The following LRRIQ3 variants were observed in gnomAD, a reference collection of about 807,000 sequenced individuals.
LRRIQ3 encodes leucine-rich repeat and IQ domain-containing protein 3.
In LRRIQ3, 75 loss-of-function variants were observed where a neutral mutation model predicts 59.3. The observed-to-expected ratio is 1.26, with a 90% CI of 1.05 to 1.53. LRRIQ3 has a LOEUF of 1.53. LRRIQ3 is among the 40% of genes most tolerant of loss of function. The probability of loss-of-function intolerance (pLI) is 0.00; values close to 1 mark genes in which losing one functional copy is unlikely to be tolerated. For synonymous variants in LRRIQ3, 250 were observed against 231.3 expected (o/e 1.08, Z -0.73); for missense variants, 831 against 710.0 (o/e 1.17, Z -1.94).
chr1:74,159,624 C>A (rs1278710029), intron 3 of LRRIQ3, among the ~76,000 whole-genome samples: 1 of 152,026 alleles, frequency 6.6e-6, no homozygotes, highest in East Asian at 1.9e-4. Context: ...TCTTTTTCAT[C>A]TTTCTTGGCT....
At position 74,068,718 on chromosome 1, in the gene LRRIQ3, G is replaced by T. The variant is rs567382835; in HGVS notation, c.997+5943C>A. Among the ~76,000 whole-genome samples the T allele has an allele frequency of 1.9e-3, 295 of 151,988 alleles. 1 individual carries two copies. Among genetic ancestry groups the T allele is most frequent in the African/African-American group, 6.7e-3 (278 of 41,494 alleles). On this transcript the variant is annotated intron_variant, in intron 6 of 7. Transcript: ENST00000354431. ...TAACATCTGGTGGCAAAGATTTCTA[G>T]TCTTATATGCATGAGTATGCCTTAA...
chr1:74,044,643 CA>C (rs1437342187), intron 6 of LRRIQ3, among the ~76,000 whole-genome samples: 3 of 151,906 alleles, frequency 2.0e-5, no homozygotes, highest in Admixed American at 2.0e-4. Flanking sequence ...GACAGAGTCA[CA>C]AAAAACCCTT....
chr1:74,166,942 A>T (rs1401946345), intron 3 of LRRIQ3, among the ~76,000 whole-genome samples: 1 of 151,850 alleles, frequency 6.6e-6, no homozygotes, highest in East Asian at 1.9e-4. Flanking sequence ...ATAAAAAAAT[A>T]ATAATAATAG....
At chr1:74,079,647 CT>C (rs1438636649) in intron 5 of LRRIQ3, among the ~76,000 whole-genome samples, 4 of 151,498 alleles carry the variant, frequency 2.6e-5, no homozygotes, top group Admixed American at 6.6e-5. Context: ...CTTTTCTTTT[CT>C]TTTTTACTCA....
intron 5 of LRRIQ3, among the ~76,000 whole-genome samples, chr1:74,103,064 T>TAG (rs964220160): frequency 3.3e-5 from 5 of 151,976 alleles, no homozygotes; most frequent in African/African-American, 9.7e-5. Flanking sequence ...ATCTTATACT[T>TAG]CTACCTAAGT....
intron 4 of LRRIQ3, among the ~76,000 whole-genome samples, chr1:74,155,076 T>C (rs989428105): frequency 1.3e-5 from 2 of 152,218 alleles, no homozygotes; most frequent in African/African-American, 4.8e-5. Flanking sequence ...CAAATGTCTG[T>C]TTTCTTATTC....
intron 7 of LRRIQ3, among the ~76,000 whole-genome samples, chr1:74,029,081 C>T (rs1484719913): frequency 1.3e-5 from 2 of 152,088 alleles, no homozygotes; most frequent in East Asian, 1.9e-4. Flanking sequence ...TGAGACTTTG[C>T]TGAAGTTGCT....
chr1:74,107,907 A>G (rs1646636596), intron 5 of LRRIQ3, among the ~76,000 whole-genome samples: 1 of 151,720 alleles, frequency 6.6e-6, no homozygotes, highest in Non-Finnish European at 1.5e-5. Context: ...TAGCAGAATT[A>G]TTCAAAATAC....
At chr1:74,167,813 AACACAC>A (rs201436183) in intron 3 of LRRIQ3, among the ~76,000 whole-genome samples, 1 of 150,726 alleles carries the variant, frequency 6.6e-6, no homozygotes, top group African/African-American at 2.4e-5. Flanking sequence ...ACATAAAATA[AACACAC>A]ACACACACAC....
At chr1:74,139,930 A>G (rs957068516) in intron 4 of LRRIQ3, among the ~76,000 whole-genome samples, 1 of 151,944 alleles carries the variant, frequency 6.6e-6, no homozygotes, top group Non-Finnish European at 1.5e-5. Flanking sequence ...AATTGGAAAT[A>G]TAGAGTGTAT....
Position 74,037,636 on chromosome 1 carries a change from A to G in LRRIQ3, c.1718+3577T>C, listed in dbSNP as rs137891989. On this transcript the variant is annotated intron_variant, in intron 7 of 7. Coordinates refer to ENST00000354431, the MANE Select transcript of LRRIQ3 (RefSeq NM_001105659.2). ...CAAGAGTGAAACTGTGTCTCAAAAC[A>G]AAACAAAACAAAAAACAAACAAACA... 3.3e-5 allele frequency among the ~76,000 whole-genome samples: 5 copies of G among 152,304 alleles called. No individual in the cohort carries two copies. In the East Asian group the frequency reaches 7.7e-4, roughly 24 times the overall value.
chr1:74,161,684 C>T (rs1648669200), intron 3 of LRRIQ3, among the ~76,000 whole-genome samples: 1 of 151,888 alleles, frequency 6.6e-6, no homozygotes, highest in Admixed American at 6.6e-5. Flanking sequence ...TTGCAGTTTA[C>T]ATCAGAGTCC....
rs564000602 is a variant in LRRIQ3 at position 74,098,817 on chromosome 1, C to T, written c.867+10577G>A. On this transcript the variant is annotated intron_variant, in intron 5 of 7. Coordinates refer to ENST00000354431, the MANE Select transcript of LRRIQ3 (RefSeq NM_001105659.2). ...TCCTGAATGACTACTGGGTACATAACGAAATGAAGGCAGAAATAAAGATGT... is the reference window on the plus strand; with the variant it reads ...TCCTGAATGACTACTGGGTACATAATGAAATGAAGGCAGAAATAAAGATGT... Among the ~76,000 whole-genome samples, 403 of 152,134 alleles carry T rather than the reference C, an allele frequency of 2.6e-3. 2 individuals are homozygous for T. Among genetic ancestry groups the T allele is most frequent in the Non-Finnish European group, 4.0e-3 (269 of 67,988 alleles).
intron 3 of LRRIQ3, among the ~76,000 whole-genome samples, chr1:74,173,070 G>A (rs1419272526): frequency 6.6e-6 from 1 of 152,020 alleles, no homozygotes; most frequent in Non-Finnish European, 1.5e-5. Flanking sequence ...GGGAGGCCGA[G>A]GCAGGTGGAC....
rs554334371 is a variant in LRRIQ3 at position 74,183,606 on chromosome 1, G to T, written c.79C>A (p.Gln27Lys). The change falls in exon 2 of 8, where the codon CAA becomes AAA. Residue 27 changes from glutamine to lysine, a missense_variant. Coordinates refer to ENST00000354431, the MANE Select transcript of LRRIQ3 (RefSeq NM_001105659.2). ...SHYNENIREGQKDFVFVKFNG... is the reference protein window; with the variant it reads ...SHYNENIREGKKDFVFVKFNG... ...AACTTCACAAAAACAAAATCTTTTT[G>T]ACCTTCTCTTATGTTTTCATTATAG... is the stretch of plus-strand genomic sequence containing the variant. 3.7e-6 allele frequency: 6 copies of T among 1,611,818 alleles called. No individual in the cohort carries two copies. In the African/African-American group the frequency reaches 6.7e-5, roughly 18 times the overall value.
At chr1:74,180,630 G>C in intron 3 of LRRIQ3, 1 of 1,252,488 alleles carries the variant, frequency 8.0e-7, no homozygotes, top group South Asian at 1.5e-5. Flanking sequence ...TCCACACTCA[G>C]TGTGAAAAGT....
At chr1:74,118,118 CCT>C (rs1646802210) in intron 4 of LRRIQ3, among the ~76,000 whole-genome samples, 1 of 151,860 alleles carries the variant, frequency 6.6e-6, no homozygotes, top group Admixed American at 6.6e-5. Context: ...CATAACATAC[CCT>C]TTTTTGTAAA....
At chr1:74,131,278 C>A (rs1647014451) in intron 4 of LRRIQ3, among the ~76,000 whole-genome samples, 1 of 152,046 alleles carries the variant, frequency 6.6e-6, no homozygotes, top group South Asian at 2.1e-4. Context: ...AGATTCACAG[C>A]CGAATTCTAC....
intron 6 of LRRIQ3, among the ~76,000 whole-genome samples, chr1:74,056,186 T>TAAAC (rs1032853384): frequency 2.2e-5 from 3 of 136,928 alleles, no homozygotes; most frequent in East Asian, 2.0e-4. Context: ...AATAAATAAA[T>TAAAC]AAACTCAACA....
Sources: allele counts gnomAD v4.1 joint callset (sites outside exome capture counted in the v4.1 genomes callset), GRCh38; gene constraint gnomAD v4.1.1; transcripts MANE v1.5; gene names NCBI Gene and HGNC (gene_info 2026-07-23, HGNC 2026-07-21).